UTS2B: variants seen among roughly 807,000 people sequenced by gnomAD.
The protein encoded by UTS2B is urotensin 2B.
In UTS2B, 21 loss-of-function variants were observed where a neutral mutation model predicts 19.2. The observed-to-expected ratio is 1.09, with a 90% CI of 0.78 to 1.58. The LOEUF (loss-of-function observed/expected upper bound fraction) is 1.58, where lower values mean the gene tolerates loss of function less well. Ranked by LOEUF, UTS2B falls within the 40% of genes most tolerant of loss-of-function variation. The pLI, the probability that UTS2B is intolerant of heterozygous loss-of-function variation, is 0.00. For missense variants in UTS2B, 138 were observed against 130.3 expected, an observed-to-expected ratio of 1.06 and a Z score of -0.29; for synonymous variants, 57 against 50.2, an observed-to-expected ratio of 1.14 and a Z score of -0.58.
chr3:191,275,310 C>G lies in UTS2B; in HGVS notation c.276G>C (p.Lys92Asn). The part of the protein sequence containing the change: ...EKLKEQLVEE[K>N]DSETSYAVDG... ...CTACAGCATAGGACGTCTCAGAATC[C>G]TTCTCCTCCACTAGCTGTTCTTTTA... Residue 92 changes from lysine to asparagine, a missense_variant, in exon 8 of 9, where the codon AAG (lysine) becomes AAC (asparagine). Transcript: ENST00000340524. The G allele has an allele frequency of 6.2e-7, 1 of 1,613,628 alleles. No individual in the cohort carries two copies. Among genetic ancestry groups the G allele is most frequent in the Non-Finnish European group, 8.5e-7 (1 of 1,179,712 alleles).
intron 4 of UTS2B, among the ~76,000 whole-genome samples, chr3:191,295,852 T>C (rs1327171848): frequency 6.6e-6 from 1 of 152,184 alleles, no homozygotes; most frequent in East Asian, 1.9e-4. Context: ...CTCAAACCTT[T>C]CACTCCTTCT....
At chr3:191,309,031 A>G (rs1251926368) in intron 3 of UTS2B, among the ~76,000 whole-genome samples, 1 of 152,224 alleles carries the variant, frequency 6.6e-6, no homozygotes, top group Non-Finnish European at 1.5e-5. Flanking sequence ...TATTTTAATA[A>G]TAGCATACCA....
rs1717943358 is a variant in UTS2B at position 191,330,504 on chromosome 3, T to C, written c.-755A>G. On this transcript the variant is annotated 5_prime_UTR_variant, in exon 1 of 9. Coordinates refer to ENST00000340524, the MANE Select transcript of UTS2B (RefSeq NM_198152.5). ...AGGACCTAGCTTTTTTTTGCTGAGA[T>C]CTTAGGTGCTGGATCGCCTTATGCC... 1 of 152,298 alleles carries C rather than the reference T, an allele frequency of 6.6e-6. No homozygotes were observed. Among genetic ancestry groups the C allele is most frequent in the Non-Finnish European group, 1.5e-5 (1 of 68,100 alleles). The allele number at this position is 152,298 out of a possible 1,614,324, so 9.4% of individuals were successfully genotyped here. A position where few individuals can be genotyped will look rare whatever the true frequency, so the allele number is the denominator to read the frequency against.
At chr3:191,284,475 CCAT>C (rs1716479068) in intron 4 of UTS2B, among the ~76,000 whole-genome samples, 1 of 151,560 alleles carries the variant, frequency 6.6e-6, no homozygotes, top group Non-Finnish European at 1.5e-5. Flanking sequence ...GCTAGCACCA[CCAT>C]GTCTGGCTAA....
Position 191,282,375 on chromosome 3 carries a change from T to G in UTS2B, c.-124-62A>C, listed in dbSNP as rs76035344. ...ATAAAATGCAATGCAATCAAGTAGT[T>G]AACATGATTCACTACTTGGAGAAGT... On this transcript the variant is annotated intron_variant, in intron 4 of 8. Transcript: ENST00000340524. 3,647 of 526,772 alleles carry G rather than the reference T, an allele frequency of 6.9e-3. 25 individuals carry two copies. The highest frequency in any genetic ancestry group is 8.8e-3 in the Non-Finnish European group (2,597 of 294,938). 32.6% of individuals were successfully genotyped at this position (526,772 alleles called of 1,614,324 possible).
intron 2 of UTS2B, among the ~76,000 whole-genome samples, chr3:191,321,552 T>A (rs1446014009): frequency 6.6e-6 from 1 of 152,206 alleles, no homozygotes; most frequent in African/African-American, 2.4e-5. Context: ...CAAGGCATGA[T>A]TCCAAAATAA....
the UTS2B span, among the ~76,000 whole-genome samples, chr3:191,335,547 G>C: frequency 6.6e-6 from 1 of 152,094 alleles, no homozygotes; most frequent in Non-Finnish European, 1.5e-5. Flanking sequence ...AGAGTTCTCA[G>C]ATATTGCTTT....
At chr3:191,322,020 T>C (rs1181002753) in intron 2 of UTS2B, among the ~76,000 whole-genome samples, 1 of 151,184 alleles carries the variant, frequency 6.6e-6, no homozygotes, top group Admixed American at 6.6e-5. Context: ...AGAGAAAAAC[T>C]CCATCGGAAA....
chr3:191,295,006 G>C (rs1454269927), intron 4 of UTS2B, among the ~76,000 whole-genome samples: 1 of 150,040 alleles, frequency 6.7e-6, no homozygotes, highest in Non-Finnish European at 1.5e-5. Flanking sequence ...ACTCCAGCCT[G>C]GGTGACAGAG....
chr3:191,336,865 T>C, the UTS2B span, among the ~76,000 whole-genome samples: 1 of 152,228 alleles, frequency 6.6e-6, no homozygotes, highest in Admixed American at 6.5e-5. Flanking sequence ...AGTAATCCTC[T>C]CTAGTAATTC....
intron 3 of UTS2B, among the ~76,000 whole-genome samples, chr3:191,309,053 G>A (rs1717218295): frequency 6.6e-6 from 1 of 152,220 alleles, no homozygotes; most frequent in South Asian, 2.1e-4. Flanking sequence ...ATGCCAGTAG[G>A]TGGGTTAATG....
chr3:191,280,013 A>G (rs1716341141), intron 5 of UTS2B, among the ~76,000 whole-genome samples: 1 of 152,116 alleles, frequency 6.6e-6, no homozygotes, highest in African/African-American at 2.4e-5. Context: ...CACATTTGAC[A>G]CAAAAGATGG....
chr3:191,276,067 T>C (rs1716228720), intron 7 of UTS2B, among the ~76,000 whole-genome samples: 1 of 152,236 alleles, frequency 6.6e-6, no homozygotes, highest in Non-Finnish European at 1.5e-5. Context: ...CTGAATTTTT[T>C]GTCTTTTCTA....
Position 191,282,179 on chromosome 3 carries a change from A to G in UTS2B, c.11T>C (p.Ile4Thr), listed in dbSNP as rs749988246. The part of the protein sequence containing the change: MNK[I>T]LSSTVCFGLL... ...TCCAAAGCAAACAGTGCTTGAGAGGATCTTGTTCATGTTAAAAAAAACCTT... is the reference window on the plus strand; with the variant it reads ...TCCAAAGCAAACAGTGCTTGAGAGGGTCTTGTTCATGTTAAAAAAAACCTT... The change falls in exon 5 of 9, where the codon ATC becomes ACC. Residue 4 changes from isoleucine to threonine, a missense_variant. Transcript: ENST00000340524. 1.1e-5 allele frequency: 17 copies of G among 1,608,826 alleles called. No homozygotes were observed. The highest frequency in any genetic ancestry group is 1.4e-5 in the Non-Finnish European group (17 of 1,178,106).
chr3:191,298,859 G>T (rs896500057), intron 4 of UTS2B, among the ~76,000 whole-genome samples: 4 of 152,080 alleles, frequency 2.6e-5, no homozygotes, highest in African/African-American at 9.7e-5. Context: ...GGATAAAGGG[G>T]GTCTCAGATG....
Position 191,267,663 on chromosome 3 carries a change from G to C in UTS2B, c.*753C>G, listed in dbSNP as rs1347041317. The C allele has an allele frequency of 6.6e-6, 1 of 152,220 alleles. No individual in the cohort carries two copies. Among genetic ancestry groups the C allele is most frequent in the South Asian group, 2.1e-4 (1 of 4,826 alleles). 9.4% of individuals were successfully genotyped at this position (152,220 alleles called of 1,614,324 possible). Reference sequence around the variant, plus strand: ...ATTAAGTTTAGCAAGGGCAGGGGTAGGTTAATGAGGGATTTAGGGTCATTT... The same window carrying C: ...ATTAAGTTTAGCAAGGGCAGGGGTACGTTAATGAGGGATTTAGGGTCATTT... On this transcript the variant is annotated 3_prime_UTR_variant, in exon 9 of 9. Transcript: ENST00000340524.
intron 8 of UTS2B, among the ~76,000 whole-genome samples, chr3:191,270,797 T>C (rs1716071428): frequency 6.6e-6 from 1 of 152,082 alleles, no homozygotes. Context: ...CATAGACCCA[T>C]AGAGAGTTGT....
At chr3:191,337,223 T>C in the UTS2B span, among the ~76,000 whole-genome samples, 1 of 152,226 alleles carries the variant, frequency 6.6e-6, no homozygotes, top group Non-Finnish European at 1.5e-5. Context: ...TTAAAAAACT[T>C]TGTTATTTAA....
At chr3:191,293,571 A>G (rs1716773330) in intron 4 of UTS2B, among the ~76,000 whole-genome samples, 1 of 151,968 alleles carries the variant, frequency 6.6e-6, no homozygotes, top group Non-Finnish European at 1.5e-5. Context: ...TAAAGTTGGC[A>G]GTAATATCCC....
Sources: allele counts gnomAD v4.1 joint callset (sites outside exome capture counted in the v4.1 genomes callset), GRCh38; gene constraint gnomAD v4.1.1; transcripts MANE v1.5; gene names NCBI Gene and HGNC (gene_info 2026-07-23, HGNC 2026-07-21).